RSRC1: variants seen among roughly 807,000 people sequenced by gnomAD.
RSRC1 encodes the protein serine/Arginine-related protein 53.
Under a neutral mutation model 49.1 loss-of-function variants are expected in RSRC1, and 39 were observed. The observed-to-expected ratio is 0.79, with a 90% CI of 0.61 to 1.04. The LOEUF is 1.04. Among genes scored for constraint, RSRC1 ranks in the 50% least tolerant of loss-of-function variants. RSRC1 has a pLI of 0.00. For synonymous variants in RSRC1, 143 were observed against 130.8 expected, an observed-to-expected ratio of 1.09 and a Z score of -0.63; for missense variants, 388 against 402.4, an observed-to-expected ratio of 0.96 and a Z score of 0.31.
intron 3 of RSRC1, among the ~76,000 whole-genome samples, chr3:158,172,392 A>G (rs758348836): frequency 7.9e-5 from 12 of 152,206 alleles, no homozygotes; most frequent in African/African-American, 1.2e-4. Context: ...GCATTAATAT[A>G]CTTCCTCTTG....
rs1210853464 is a variant in RSRC1 at position 158,229,380 on chromosome 3, GTA to G, written c.494+26137_494+26138del. Among the ~76,000 whole-genome samples, 7 of 97,868 alleles carry G rather than the reference GTA, an allele frequency of 7.2e-5. No individual in the cohort carries two copies. The South Asian group carries it at 1.2e-3, about 17-fold the overall frequency. The allele number at this position is 97,868 out of a possible 152,430, so 64.2% of individuals were successfully genotyped here. A position where few individuals can be genotyped will look rare whatever the true frequency, so the allele number is the denominator to read the frequency against. ...CACATATACACACGTATATGTGTAT[GTA>G]TGTGTATATATATACACATACACAC... On this transcript the variant is annotated intron_variant, in intron 4 of 9. Transcript: ENST00000611884.
intron 4 of RSRC1, among the ~76,000 whole-genome samples, chr3:158,246,288 C>G (rs913980031): frequency 6.6e-6 from 1 of 151,664 alleles, no homozygotes; most frequent in Non-Finnish European, 1.5e-5. Context: ...AGGAGATATA[C>G]CTAATGTTAA....
At chr3:158,349,424 G>A (rs960154737) in intron 5 of RSRC1, among the ~76,000 whole-genome samples, 2 of 152,012 alleles carry the variant, frequency 1.3e-5, no homozygotes, top group South Asian at 2.1e-4. Context: ...TAATGGGACC[G>A]TTTGTGATTC....
rs537767344 is a variant in RSRC1 at position 158,340,253 on chromosome 3, C to T, written c.532-14604C>T. On this transcript the variant is annotated intron_variant, in intron 5 of 9. Coordinates refer to ENST00000611884, the MANE Select transcript of RSRC1 (RefSeq NM_001271838.2). ...TGCTTCCTCCTCATTTTTCTCTTGC[C>T]GCTCCCTGGCCAGGCATGGTGGCTT... Among the ~76,000 whole-genome samples the T allele has an allele frequency of 3.2e-4, 48 of 152,106 alleles. 1 individual carries two copies. The highest frequency in any genetic ancestry group is 1.4e-3 in the Admixed American group (22 of 15,276).
intron 4 of RSRC1, among the ~76,000 whole-genome samples, chr3:158,205,467 A>G (rs1277495894): frequency 6.6e-6 from 1 of 152,138 alleles, no homozygotes; most frequent in Non-Finnish European, 1.5e-5. Context: ...TCTACTTGTC[A>G]GGTACTGTGT....
At chr3:158,368,779 T>TTA (rs1430461521) in intron 6 of RSRC1, among the ~76,000 whole-genome samples, 1 of 152,202 alleles carries the variant, frequency 6.6e-6, no homozygotes, top group Non-Finnish European at 1.5e-5. Context: ...TTAGAATTAA[T>TTA]TACCCTTTAA....
At chr3:158,285,904 C>T (rs1403028622) in intron 4 of RSRC1, among the ~76,000 whole-genome samples, 1 of 152,180 alleles carries the variant, frequency 6.6e-6, no homozygotes, top group African/African-American at 2.4e-5. Context: ...TGCCTAATTG[C>T]CCTGGCCAGA....
chr3:158,439,080 C>T (rs1736227705), intron 6 of RSRC1, among the ~76,000 whole-genome samples: 1 of 152,040 alleles, frequency 6.6e-6, no homozygotes, highest in Non-Finnish European at 1.5e-5. Flanking sequence ...TCATCACTGG[C>T]CATCAGAGAA....
intron 3 of RSRC1, among the ~76,000 whole-genome samples, chr3:158,195,734 G>A (rs1047701325): frequency 6.6e-6 from 1 of 152,060 alleles, no homozygotes; most frequent in African/African-American, 2.4e-5. Context: ...AGTTTTTCCA[G>A]CACCATTTAT....
chr3:158,143,825 G>C (rs1225188777), intron 3 of RSRC1, among the ~76,000 whole-genome samples: 1 of 152,022 alleles, frequency 6.6e-6, no homozygotes, highest in Non-Finnish European at 1.5e-5. Flanking sequence ...CAACTTTGGG[G>C]AATTAAACTT....
chr3:158,442,803 T>C (rs898507951), intron 6 of RSRC1, among the ~76,000 whole-genome samples: 4 of 152,066 alleles, frequency 2.6e-5, no homozygotes, highest in African/African-American at 9.7e-5. Flanking sequence ...GCCATAGCCC[T>C]AGAAAATGTA....
intron 5 of RSRC1, among the ~76,000 whole-genome samples, chr3:158,311,681 A>T (rs1728136991): frequency 6.6e-6 from 1 of 152,102 alleles, no homozygotes; most frequent in Non-Finnish European, 1.5e-5. Flanking sequence ...TGTGTTTTAT[A>T]CTTGAAAATT....
chr3:158,226,555 G>A (rs1722541841), intron 4 of RSRC1, among the ~76,000 whole-genome samples: 1 of 151,858 alleles, frequency 6.6e-6, no homozygotes, highest in African/African-American at 2.4e-5. Context: ...TGCTGAGTAG[G>A]TCTTTCTCAA....
chr3:158,169,400 C>G (rs1718735669), intron 3 of RSRC1, among the ~76,000 whole-genome samples: 1 of 152,122 alleles, frequency 6.6e-6, no homozygotes, highest in Non-Finnish European at 1.5e-5. Flanking sequence ...GCATAAATCC[C>G]TATCTTATTC....
Position 158,330,073 on chromosome 3 carries a change from A to G in RSRC1, c.532-24784A>G, listed in dbSNP as rs187847862. On this transcript the variant is annotated intron_variant, in intron 5 of 9. Transcript: ENST00000611884. Reference sequence around the variant, plus strand: ...ATCTCCTGGTGTGCCGTTTGCTAAGACCCTTGGAAAAGTGCAGTATTAGGG... The same window carrying G: ...ATCTCCTGGTGTGCCGTTTGCTAAGGCCCTTGGAAAAGTGCAGTATTAGGG... Among the ~76,000 whole-genome samples the G allele has an allele frequency of 2.4e-4, 37 of 152,178 alleles. No homozygotes were observed. The East Asian group carries it at 6.8e-3, about 28-fold the overall frequency.
chr3:158,147,037 G>A (rs573309720), intron 3 of RSRC1, among the ~76,000 whole-genome samples: 1 of 149,604 alleles, frequency 6.7e-6, no homozygotes, highest in Non-Finnish European at 1.5e-5. Flanking sequence ...GCTGTTGCTG[G>A]TGGTAGTGCT....
intron 4 of RSRC1, among the ~76,000 whole-genome samples, chr3:158,205,088 G>A (rs1025730362): frequency 6.6e-5 from 10 of 152,060 alleles, no homozygotes; most frequent in Non-Finnish European, 1.3e-4. Flanking sequence ...TGTATTTGTC[G>A]TTATTTCTTA....
intron 1 of RSRC1, among the ~76,000 whole-genome samples, chr3:158,115,800 T>A (rs1608099): frequency 0.95 from 144,073 of 152,248 alleles, 68,288 homozygotes; most frequent in East Asian, 1. Context: ...CTGGCTTTAC[T>A]CAGATAAGTG....
intron 3 of RSRC1, among the ~76,000 whole-genome samples, chr3:158,131,824 T>TTGA (rs1288304126): frequency 6.6e-6 from 1 of 152,178 alleles, no homozygotes; most frequent in African/African-American, 2.4e-5. Flanking sequence ...AAAATTTTTG[T>TTGA]TAATAATGTA....
Sources: allele counts gnomAD v4.1 joint callset (sites outside exome capture counted in the v4.1 genomes callset), GRCh38; gene constraint gnomAD v4.1.1; transcripts MANE v1.5; gene names NCBI Gene and HGNC (gene_info 2026-07-23, HGNC 2026-07-21).